The following NFASC variants were observed in gnomAD, a reference collection of about 807,000 sequenced individuals.
NFASC encodes neurofascin.
A neutral mutation model predicts 147.5 loss-of-function variants in NFASC; 43 were observed. The ratio of observed to expected loss-of-function variants is 0.29; its 90% CI spans 0.23 to 0.38. The LOEUF (loss-of-function observed/expected upper bound fraction) is 0.38. Ranked by LOEUF, NFASC falls within the 10% of genes least tolerant of loss-of-function variation. The pLI is 1.00. For missense variants in NFASC, 1,320 were observed against 1,689.0 expected, an observed-to-expected ratio of 0.78 and a Z score of 3.83; for synonymous variants, 622 against 665.5, an observed-to-expected ratio of 0.93 and a Z score of 1.01.
At chr1:204,952,448 T>C (rs149358106) in intron 5 of NFASC, among the ~76,000 whole-genome samples, 1 of 147,500 alleles carries the variant, frequency 6.8e-6, no homozygotes, top group African/African-American at 2.6e-5. Context: ...CCAAGCCAAC[T>C]TGAGTCTTTC....
At chr1:204,880,500 C>T (rs1385178561) in intron 1 of NFASC, among the ~76,000 whole-genome samples, 3 of 152,104 alleles carry the variant, frequency 2.0e-5, no homozygotes, top group Admixed American at 2.0e-4. Context: ...GGACTACAGG[C>T]ACCCGCCACC....
In NFASC at chr1:204,986,181, A is replaced by C; in HGVS notation, c.2471-1237A>C. On this transcript the variant is annotated intron_variant, in intron 21 of 29. Coordinates refer to ENST00000339876, the MANE Select transcript of NFASC (RefSeq NM_001005388.3). The surrounding 1 kb of genome is among the most constrained non-coding windows in gnomAD (Gnocchi z 4.2). ...GGTGGCACACACCTTGGGCCTGGAG[A>C]AACTCCAGCGTGGCTCAGCATGGAT... The C allele has an allele frequency of 8.0e-7, 1 of 1,254,472 alleles. No individual in the cohort carries two copies. The highest frequency in any genetic ancestry group is 1.2e-6 in the Non-Finnish European group (1 of 858,264). 77.7% of individuals were successfully genotyped at this position (1,254,472 alleles called of 1,614,324 possible).
intron 24 of NFASC, among the ~76,000 whole-genome samples, chr1:204,992,589 G>T (rs1054978977): frequency 6.6e-6 from 1 of 152,170 alleles, no homozygotes. Flanking sequence ...GTGATCCCAG[G>T]CCTGGGGAAC....
chr1:204,969,443 A>G (rs1047514585), intron 10 of NFASC, among the ~76,000 whole-genome samples: 1 of 152,174 alleles, frequency 6.6e-6, no homozygotes, highest in Non-Finnish European at 1.5e-5. Context: ...CAAAGCAAAG[A>G]GGGCCCACCC....
intron 1 of NFASC, among the ~76,000 whole-genome samples, chr1:204,896,744 C>T (rs907217941): frequency 6.6e-6 from 1 of 152,158 alleles, no homozygotes; most frequent in African/African-American, 2.4e-5. Flanking sequence ...CTATAATCGG[C>T]ATATAAAAAA....
intron 1 of NFASC, chr1:204,870,830 T>C: frequency 1.7e-6 from 2 of 1,178,684 alleles, no homozygotes; most frequent in Admixed American, 3.8e-5. Context: ...CCGATGGGGG[T>C]GACAAGGAGC....
At position 204,977,829 on chromosome 1, in the gene NFASC, G is replaced by T; in HGVS notation, c.1876+104G>T. 7 of 1,061,000 alleles carry T rather than the reference G, an allele frequency of 6.6e-6. 1 individual carries two copies. The highest frequency in any genetic ancestry group is 9.7e-6 in the Non-Finnish European group (7 of 720,934). 65.7% of individuals were successfully genotyped at this position (1,061,000 alleles called of 1,614,324 possible). A position where few individuals can be genotyped will look rare whatever the true frequency, so the allele number is the denominator to read the frequency against. On this transcript the variant is annotated intron_variant, in intron 17 of 29. Coordinates refer to ENST00000339876, the MANE Select transcript of NFASC (RefSeq NM_001005388.3). ...CTTTGGGAAAGGGCGACAGTGTGTA[G>T]GTTTGTGGGCAGCACTCCTGGCTAC...
chr1:204,944,452 C>CTTTG, intron 3 of NFASC, 46 bp downstream of exon 3: 1 of 684,560 alleles, frequency 1.5e-6, no homozygotes. Flanking sequence ...TGATTTTGGG[C>CTTTG]AGAGGGGTGG....
rs1009243544 is a variant in NFASC at position 204,979,974 on chromosome 1, T to C, written c.2177-396T>C. On this transcript the variant is annotated intron_variant, in intron 19 of 29. Coordinates refer to ENST00000339876, the MANE Select transcript of NFASC (RefSeq NM_001005388.3). The surrounding 1 kb of genome is among the most constrained non-coding windows in gnomAD (Gnocchi z 6.0). ...TTTGGATTTCTGAAATCACACCAGC[T>C]CATAGAGGGTAGAGATGCTGCCCAA... 1.4e-4 allele frequency among the ~76,000 whole-genome samples: 21 copies of C among 152,244 alleles called. No homozygotes were observed. The highest frequency in any genetic ancestry group is 5.1e-4 in the African/African-American group (21 of 41,550).
At chr1:204,984,066 T>C (rs375775041) in intron 21 of NFASC, 116 of 1,614,020 alleles carry the variant, frequency 7.2e-5, no homozygotes, top group Non-Finnish European at 9.8e-5. Context: ...GTCCGAGTCA[T>C]GAACAGCACA....
chr1:205,002,828 T>C (rs912257285), intron 27 of NFASC, 80 bp downstream of exon 27: 13 of 1,175,232 alleles, frequency 1.1e-5, no homozygotes, highest in Non-Finnish European at 2.3e-6. Context: ...CTTGCCTCTC[T>C]CCTCGGAAAG....
chr1:204,848,713 T>G (rs765660327), intron 1 of NFASC, among the ~76,000 whole-genome samples: 1 of 152,234 alleles, frequency 6.6e-6, no homozygotes, highest in Non-Finnish European at 1.5e-5. Flanking sequence ...GTCTTCTAAT[T>G]TGAGAGTTGT....
At chr1:204,863,706 A>T (rs1456127063) in intron 1 of NFASC, among the ~76,000 whole-genome samples, 1 of 152,024 alleles carries the variant, frequency 6.6e-6, no homozygotes, top group East Asian at 1.9e-4. Flanking sequence ...AAAATTAGTC[A>T]GGCGTGGTGG....
At chr1:205,003,118 C>T (rs990525438) in intron 27 of NFASC, among the ~76,000 whole-genome samples, 3 of 152,190 alleles carry the variant, frequency 2.0e-5, no homozygotes, top group Non-Finnish European at 4.4e-5. Context: ...CCTGTGCGCA[C>T]AGGGGCTGGC....
intron 2 of NFASC, among the ~76,000 whole-genome samples, chr1:204,936,417 G>C (rs539978855): frequency 6.6e-6 from 1 of 151,852 alleles, no homozygotes; most frequent in Non-Finnish European, 1.5e-5. Flanking sequence ...GGCAAGGCTG[G>C]CCTCAAACTC....
rs368196891 is a variant in NFASC at position 204,928,902 on chromosome 1, G to A, written c.-91+8162G>A. ...TCATAAAGAGTTTTCGCCCTAGAGA[G>A]CCTGGTGTGAATACGAGGTATTCAT... On this transcript the variant is annotated intron_variant, in intron 2 of 29. Coordinates refer to ENST00000339876, the MANE Select transcript of NFASC (RefSeq NM_001005388.3). Among the ~76,000 whole-genome samples, 71 of 152,296 alleles carry A rather than the reference G, an allele frequency of 4.7e-4. 1 individual carries two copies. Among genetic ancestry groups the A allele is most frequent in the African/African-American group, 1.6e-3 (68 of 41,556 alleles).
chr1:204,922,989 C>A (rs748419660), intron 2 of NFASC, among the ~76,000 whole-genome samples: 4 of 152,202 alleles, frequency 2.6e-5, no homozygotes, highest in Admixed American at 2.0e-4. Flanking sequence ...CATTATTACC[C>A]GTGTTTTACT....
intron 24 of NFASC, among the ~76,000 whole-genome samples, chr1:204,996,255 C>G (rs1195574535): frequency 1.3e-5 from 2 of 152,076 alleles, no homozygotes; most frequent in African/African-American, 4.8e-5. Flanking sequence ...AATTCTGTGC[C>G]CCATGAAGAT....
chr1:204,845,211 C>T (rs1043001120), intron 1 of NFASC, among the ~76,000 whole-genome samples: 5 of 151,360 alleles, frequency 3.3e-5, no homozygotes, highest in Admixed American at 1.3e-4. Flanking sequence ...GGTGTATGTC[C>T]GAGATGATGG....
Sources: allele counts gnomAD v4.1 joint callset (sites outside exome capture counted in the v4.1 genomes callset), GRCh38; gene constraint gnomAD v4.1.1; non-coding constraint Gnocchi (gnomAD v3.1); transcripts MANE v1.5; gene names NCBI Gene and HGNC (gene_info 2026-07-23, HGNC 2026-07-21).